ACACB: variants seen among roughly 807,000 people sequenced by gnomAD.
ACACB encodes acetyl-CoA carboxylase beta.
A neutral mutation model predicts 278.8 loss-of-function variants in ACACB; 209 were observed. That is an observed-to-expected ratio of 0.75 (90% CI 0.67 to 0.84). The LOEUF (loss-of-function observed/expected upper bound fraction) is 0.84. Ranked by LOEUF, ACACB falls within the 40% of genes least tolerant of loss-of-function variation. The probability of loss-of-function intolerance (pLI) is 0.00; values close to 1 mark genes in which losing one functional copy is unlikely to be tolerated. For synonymous variants in ACACB, 1,174 were observed against 1,285.6 expected (o/e 0.91, Z 1.86); for missense variants, 2,850 against 3,269.0 (o/e 0.87, Z 3.13).
At chr12:109,226,917 T>C (rs775685627) in intron 27 of ACACB, among the ~76,000 whole-genome samples, 5 of 152,056 alleles carry the variant, frequency 3.3e-5, no homozygotes, top group East Asian at 1.9e-4. Context: ...CTCTGAAATA[T>C]GAGCAAATTT....
intron 13 of ACACB, among the ~76,000 whole-genome samples, chr12:109,189,085 G>A (rs978469305): frequency 7.9e-5 from 12 of 152,154 alleles, no homozygotes; most frequent in African/African-American, 2.9e-4. Context: ...CCCAAATTCT[G>A]ACACACCATC....
chr12:109,230,549 T>G lies in ACACB; in HGVS notation c.4002-2120T>G, dbSNP rs140909421. Among the ~76,000 whole-genome samples the G allele has an allele frequency of 3.4e-3, 520 of 152,302 alleles. 3 individuals carry two copies. Among genetic ancestry groups the G allele is most frequent in the Middle Eastern group, 0.027 (8 of 294 alleles). On this transcript the variant is annotated intron_variant, in intron 28 of 52. Transcript: ENST00000338432. ...GTGATCCTCCCACCTCAGCTCCCTG[T>G]GTAGCTGGGACCACAGGCTTGCGCC...
At chr12:109,248,006 C>T (rs2046994704) in intron 40 of ACACB, among the ~76,000 whole-genome samples, 1 of 152,222 alleles carries the variant, frequency 6.6e-6, no homozygotes. Flanking sequence ...CAAACTGATG[C>T]AGCGGTGACT....
intron 21 of ACACB, among the ~76,000 whole-genome samples, chr12:109,210,056 CACGTGTGTATAT>C (rs1217559131): frequency 3.5e-5 from 3 of 86,320 alleles, no homozygotes; most frequent in Non-Finnish European, 7.9e-5. Flanking sequence ...TATATACACA[CACGTGTGTATAT>C]ATGTGTATAT....
intron 9 of ACACB, among the ~76,000 whole-genome samples, chr12:109,176,604 T>C (rs1257545962): frequency 6.6e-6 from 1 of 152,148 alleles, no homozygotes; most frequent in Non-Finnish European, 1.5e-5. Flanking sequence ...TTATTTCTAA[T>C]GTTTCTAGAT....
intron 22 of ACACB, among the ~76,000 whole-genome samples, chr12:109,215,972 A>AT (rs898213074): frequency 1.7e-4 from 26 of 151,236 alleles, no homozygotes; most frequent in African/African-American, 5.3e-4. Flanking sequence ...AATTTTTTTG[A>AT]TTTTTTTGTA....
rs760406701 is a variant in ACACB, at chr12:109,256,208, G to C, written c.6235G>C (p.Ala2079Pro). The C allele has an allele frequency of 6.2e-7, 1 of 1,614,026 alleles. No individual in the cohort carries two copies. Among genetic ancestry groups the C allele is most frequent in the Non-Finnish European group, 8.5e-7 (1 of 1,179,940 alleles). ...TTTCAAGGAAATCATGGCACCCTGGGCGCAGACCGTGGTGACAGGACGAGC... is the reference window on the plus strand; with the variant it reads ...TTTCAAGGAAATCATGGCACCCTGGCCGCAGACCGTGGTGACAGGACGAGC... ...GSFKEIMAPW[A>P]QTVVTGRARL... is the part of the protein sequence containing the mutation. The change falls in exon 45 of 53, where the codon GCG (alanine) becomes CCG (proline). Residue 2079 changes from alanine (A) to proline (P), a missense_variant. Ala to Pro is a conservative substitution (Grantham distance 27). Coordinates refer to ENST00000338432, the MANE Select transcript of ACACB (RefSeq NM_001093.4).
intron 2 of ACACB, among the ~76,000 whole-genome samples, chr12:109,156,179 G>A (rs912530887): frequency 2.6e-5 from 4 of 152,138 alleles, no homozygotes; most frequent in African/African-American, 9.7e-5. Flanking sequence ...TGCTATGATC[G>A]TTCCTGTGAA....
At chr12:109,211,946 C>T (rs939628989) in intron 21 of ACACB, among the ~76,000 whole-genome samples, 9 of 152,034 alleles carry the variant, frequency 5.9e-5, no homozygotes, top group Non-Finnish European at 1.0e-4. Flanking sequence ...GGCAATACAC[C>T]GATAACATTA....
At chr12:109,257,065 G>A (rs2047243829) in intron 45 of ACACB, among the ~76,000 whole-genome samples, 1 of 152,170 alleles carries the variant, frequency 6.6e-6, no homozygotes, top group Non-Finnish European at 1.5e-5. Context: ...CCTGCAGTCA[G>A]GAGTTCGAGA....
chr12:109,172,201 C>A, intron 5 of ACACB, 74 bp from the exon 6 acceptor site: 1 of 1,423,782 alleles, frequency 7.0e-7, no homozygotes, highest in Non-Finnish European at 9.8e-7. Flanking sequence ...GGGTTATAGG[C>A]GTGAGTTACT....
At chr12:109,213,043 G>A in intron 22 of ACACB, 107 bp downstream of exon 22, 1 of 932,760 alleles carries the variant, frequency 1.1e-6, no homozygotes, top group Non-Finnish European at 1.7e-6. Context: ...TGAACTGAGA[G>A]AAAGTGTGTT....
intron 2 of ACACB, among the ~76,000 whole-genome samples, chr12:109,158,936 C>T (rs2043631012): frequency 6.6e-6 from 1 of 152,088 alleles, no homozygotes; most frequent in Non-Finnish European, 1.5e-5. Context: ...GATCACACCG[C>T]TGCACTCCAG....
chr12:109,197,672 T>G (rs778971591), intron 17 of ACACB, among the ~76,000 whole-genome samples: 3 of 152,060 alleles, frequency 2.0e-5, no homozygotes, highest in Non-Finnish European at 2.9e-5. Context: ...CTGGAAGCTC[T>G]TAGCACAGGG....
intron 15 of ACACB, 77 bp from the exon 16 acceptor site, chr12:109,193,570 AT>A: frequency 4.0e-6 from 5 of 1,254,510 alleles, no homozygotes; most frequent in Non-Finnish European, 5.8e-6. Flanking sequence ...GAGTTGCGTA[AT>A]TTTTTTAAAT....
intron 20 of ACACB, among the ~76,000 whole-genome samples, chr12:109,208,428 G>A (rs757388173): frequency 6.6e-5 from 10 of 151,964 alleles, no homozygotes; most frequent in Non-Finnish European, 1.0e-4. Flanking sequence ...GGCTGGTCTC[G>A]AACTTCTGGG....
chr12:109,174,832 T>C (rs2044234004), intron 7 of ACACB, among the ~76,000 whole-genome samples: 1 of 152,180 alleles, frequency 6.6e-6, no homozygotes, highest in Non-Finnish European at 1.5e-5. Context: ...GTGGCACCAC[T>C]GCACTCCAGC....
rs972966553 is a variant in ACACB at position 109,242,431 on chromosome 12, G to A, written c.5023-6G>A. 5 of 1,613,024 alleles carry A rather than the reference G, an allele frequency of 3.1e-6. No homozygotes were observed. In the African/African-American group the frequency reaches 4.0e-5, roughly 13 times the overall value. On this transcript the variant is annotated splice_polypyrimidine_tract_variant and splice_region_variant and intron_variant, in intron 36 of 52. Transcript: ENST00000338432. ...CACTCTCTGTTTTCCCTCCTTTCTG[G>A]TCCAGATCATGTTTCACTCCTTCGG...
chr12:109,204,690 A>G (rs1369664033), intron 19 of ACACB, among the ~76,000 whole-genome samples: 2 of 151,912 alleles, frequency 1.3e-5, no homozygotes, highest in South Asian at 2.1e-4. Flanking sequence ...TCTACATTCT[A>G]TTTCCATGAG....
Sources: allele counts gnomAD v4.1 joint callset (sites outside exome capture counted in the v4.1 genomes callset), GRCh38; gene constraint gnomAD v4.1.1; transcripts MANE v1.5; gene names NCBI Gene and HGNC (gene_info 2026-07-23, HGNC 2026-07-21).